The following MGAT4C variants were observed in gnomAD, a reference collection of about 807,000 sequenced individuals.
The protein encoded by MGAT4C is MGAT4 family member C.
Under a neutral mutation model 40.1 loss-of-function variants are expected in MGAT4C, and 19 were observed. The observed-to-expected ratio is 0.47, with a 90% CI of 0.33 to 0.70. The LOEUF is 0.70. Among genes scored for constraint, MGAT4C ranks in the 30% least tolerant of loss-of-function variants. The pLI is 0.02. For missense variants in MGAT4C, 491 were observed against 563.2 expected (o/e 0.87, Z 1.30); for synonymous variants, 181 against 187.1 (o/e 0.97, Z 0.27).
rs553698145 is a variant in MGAT4C at position 86,508,888 on chromosome 12, C to T, written c.-228-73623G>A. 2.7e-5 allele frequency among the ~76,000 whole-genome samples: 4 copies of T among 149,920 alleles called. No homozygotes were observed. In the South Asian group the frequency reaches 8.5e-4, roughly 32 times the overall value. ...AGAAGTGTCTGTTCATGTCCTTCGCCCACTTTTTGATGGGGTTGTTTGTTT... is the reference window on the plus strand; with the variant it reads ...AGAAGTGTCTGTTCATGTCCTTCGCTCACTTTTTGATGGGGTTGTTTGTTT... On this transcript the variant is annotated intron_variant, in intron 2 of 7. Transcript: ENST00000548651.
chr12:86,780,588 C>CT (rs775932355), intron 1 of MGAT4C, among the ~76,000 whole-genome samples: 1 of 152,200 alleles, frequency 6.6e-6, no homozygotes, highest in Non-Finnish European at 1.5e-5. Flanking sequence ...CCTTTGCCTT[C>CT]TGCCATGATT....
intron 2 of MGAT4C, among the ~76,000 whole-genome samples, chr12:86,679,134 A>G (rs1949930468): frequency 6.6e-6 from 1 of 152,114 alleles, no homozygotes; most frequent in South Asian, 2.1e-4. Context: ...AACTGGTGTG[A>G]GATGGTATCT....
intron 2 of MGAT4C, among the ~76,000 whole-genome samples, chr12:86,009,664 C>G (rs1463694495): frequency 6.6e-6 from 1 of 152,082 alleles, no homozygotes; most frequent in Non-Finnish European, 1.5e-5. Flanking sequence ...TTTATTAATT[C>G]TGCTTTTCTT....
intron 1 of MGAT4C, among the ~76,000 whole-genome samples, chr12:86,762,739 C>A (rs1210442591): frequency 6.6e-6 from 1 of 152,164 alleles, no homozygotes; most frequent in East Asian, 1.9e-4. Flanking sequence ...TTTAAAGGCT[C>A]TACTTATCAC....
intron 1 of MGAT4C, among the ~76,000 whole-genome samples, chr12:86,074,865 C>T (rs1020210802): frequency 2.0e-5 from 3 of 152,028 alleles, no homozygotes; most frequent in African/African-American, 4.8e-5. Context: ...GGAAAACTGC[C>T]CCCATGATTC....
At chr12:86,549,494 A>G (rs746785295) in intron 2 of MGAT4C, among the ~76,000 whole-genome samples, 7 of 152,158 alleles carry the variant, frequency 4.6e-5, no homozygotes, top group East Asian at 1.9e-4. Context: ...TGAAGATGAT[A>G]ATTTACAGAC....
chr12:86,752,275 C>T (rs1295340467), intron 1 of MGAT4C, among the ~76,000 whole-genome samples: 1 of 151,960 alleles, frequency 6.6e-6, no homozygotes, highest in East Asian at 1.9e-4. Context: ...GACATTTAGT[C>T]TCATGAATGT....
chr12:85,991,795 C>A (rs1012218857), intron 2 of MGAT4C, among the ~76,000 whole-genome samples: 9 of 152,154 alleles, frequency 5.9e-5, no homozygotes, highest in Admixed American at 2.0e-4. Context: ...AGTTTGAGAC[C>A]TGCCTGGGCA....
At chr12:85,985,138 G>T (rs1351196534) in intron 3 of MGAT4C, among the ~76,000 whole-genome samples, 1 of 152,156 alleles carries the variant, frequency 6.6e-6, no homozygotes, top group East Asian at 1.9e-4. Flanking sequence ...CTAGCTATAA[G>T]ACTGTAGAGA....
chr12:86,581,560 T>C (rs1323709695), intron 2 of MGAT4C, among the ~76,000 whole-genome samples: 1 of 151,496 alleles, frequency 6.6e-6, no homozygotes, highest in Non-Finnish European at 1.5e-5. Context: ...GATCTTTTCA[T>C]AAGTGAGTGA....
chr12:86,807,393 T>A (rs1465828607), intron 1 of MGAT4C, among the ~76,000 whole-genome samples: 2 of 152,124 alleles, frequency 1.3e-5, no homozygotes, highest in African/African-American at 4.8e-5. Context: ...TTTCTGTTCC[T>A]ACGTTGGTTT....
chr12:86,769,514 G>T (rs188111556), intron 1 of MGAT4C, among the ~76,000 whole-genome samples: 2 of 152,032 alleles, frequency 1.3e-5, no homozygotes, highest in East Asian at 3.9e-4. Context: ...CCCGTTATTG[G>T]GTATATACCC....
chr12:86,600,375 T>C (rs1319384420), intron 2 of MGAT4C, among the ~76,000 whole-genome samples: 1 of 152,176 alleles, frequency 6.6e-6, no homozygotes. Context: ...TTGTTTTATA[T>C]TAGATGGAGG....
chr12:86,333,796 G>T (rs4842635), intron 4 of MGAT4C, among the ~76,000 whole-genome samples: 151,738 of 152,306 alleles, frequency 1, 75,586 homozygotes, highest in Middle Eastern at 1. Context: ...CATTGGAATA[G>T]CAAAACCATG....
At chr12:86,678,505 T>C (rs1353928279) in intron 2 of MGAT4C, among the ~76,000 whole-genome samples, 3 of 151,722 alleles carry the variant, frequency 2.0e-5, no homozygotes, top group Admixed American at 1.3e-4. Context: ...TGTATACATG[T>C]GCCATGCTGG....
intron 4 of MGAT4C, among the ~76,000 whole-genome samples, chr12:86,311,585 G>C (rs541758769): frequency 6.6e-6 from 1 of 152,170 alleles, no homozygotes; most frequent in Admixed American, 6.5e-5. Context: ...CACAGAGCTG[G>C]CTTCATGGGT....
At chr12:86,204,717 T>G (rs1024102011) in intron 1 of MGAT4C, among the ~76,000 whole-genome samples, 32 of 152,136 alleles carry the variant, frequency 2.1e-4, no homozygotes, top group African/African-American at 7.7e-4. Flanking sequence ...AGACCCAGGA[T>G]GATGGTGGGT....
upstream of MGAT4C, chr12:86,838,893 A>G (rs967035575): frequency 6.6e-6 from 1 of 152,192 alleles, no homozygotes; most frequent in Non-Finnish European, 1.5e-5. Context: ...GTGTGCATAG[A>G]GCAGTGAAGA....
At chr12:86,282,322 C>T (rs1953238248) in intron 4 of MGAT4C, among the ~76,000 whole-genome samples, 1 of 151,978 alleles carries the variant, frequency 6.6e-6, no homozygotes, top group African/African-American at 2.4e-5. Flanking sequence ...TCAATCTGAC[C>T]AATAATTTCT....
Sources: allele counts gnomAD v4.1 joint callset (sites outside exome capture counted in the v4.1 genomes callset), GRCh38; gene constraint gnomAD v4.1.1; transcripts MANE v1.5; gene names NCBI Gene and HGNC (gene_info 2026-07-23, HGNC 2026-07-21).